COL5A3: variants seen among roughly 807,000 people sequenced by gnomAD.
The protein encoded by COL5A3 is collagen alpha-3(V) chain.
In COL5A3, 172 loss-of-function variants were observed where a neutral mutation model predicts 250.0. The ratio of observed to expected loss-of-function variants is 0.69; its 90% CI spans 0.61 to 0.78. COL5A3 has a LOEUF of 0.78. COL5A3 is among the 30% of genes least tolerant of loss of function. The probability of loss-of-function intolerance (pLI) is 0.00; values close to 1 mark genes in which losing one functional copy is unlikely to be tolerated. For synonymous variants in COL5A3, 937 were observed against 900.4 expected (o/e 1.04, Z -0.73); for missense variants, 2,340 against 2,334.4 (o/e 1.00, Z -0.05).
chr19:9,998,172 G>A, intron 8 of COL5A3, 23 bp from the exon 9 acceptor site: 1 of 1,600,428 alleles, frequency 6.2e-7, no homozygotes, highest in Non-Finnish European at 8.5e-7. Context: ...CAGGGGAGAT[G>A]GAGAGAAAAG....
chr19:10,001,725 C>T, intron 7 of COL5A3, 43 bp downstream of exon 7: 2 of 1,612,690 alleles, frequency 1.2e-6, no homozygotes, highest in African/African-American at 1.3e-5. Flanking sequence ...TTTCTGCCAC[C>T]CCCGTAACCC....
intron 24 of COL5A3, among the ~76,000 whole-genome samples, chr19:9,990,707 C>G (rs982174967): frequency 1.3e-5 from 2 of 151,820 alleles, no homozygotes; most frequent in Admixed American, 1.3e-4. Context: ...GGACTACAGG[C>G]GCGCGCCACC....
intron 44 of COL5A3, among the ~76,000 whole-genome samples, chr19:9,976,915 A>G (rs995383620): frequency 3.9e-5 from 6 of 152,058 alleles, no homozygotes; most frequent in Non-Finnish European, 8.8e-5. Flanking sequence ...CAGATGCTTC[A>G]GTGCCTGCCA....
intron 21 of COL5A3, 120 bp downstream of exon 21, chr19:9,992,707 C>T: frequency 1.1e-6 from 1 of 942,372 alleles, no homozygotes; most frequent in Non-Finnish European, 1.6e-6. Context: ...AACCCAGGAG[C>T]CGGAGGTTGC....
chr19:10,008,124 C>T (rs2087468190), intron 1 of COL5A3, among the ~76,000 whole-genome samples: 1 of 152,092 alleles, frequency 6.6e-6, no homozygotes, highest in South Asian at 2.1e-4. Flanking sequence ...GAGTCACTTC[C>T]CCACGGAACA....
chr19:9,960,404 G>T lies in COL5A3; in HGVS notation c.*7C>A. 6.2e-7 allele frequency: 1 copy of T among 1,614,122 alleles called. No homozygotes were observed. On this transcript the variant is annotated 3_prime_UTR_variant, in exon 67 of 67. Coordinates refer to ENST00000264828, the MANE Select transcript of COL5A3 (RefSeq NM_015719.4). ...CTCCCTCATGGTCCCTCCCACCCCG[G>T]ACACTCTCAGCTGCTGAAGCAGACG...
intron 31 of COL5A3, among the ~76,000 whole-genome samples, chr19:9,983,521 AAAAGAAAGAAGAAAGAAAGAAAG>A (rs1305623474): frequency 1.0e-4 from 12 of 115,970 alleles, no homozygotes; most frequent in Non-Finnish European, 1.9e-4. Flanking sequence ...CAAGCAAGCA[AAAAGAAAGAAGAAAGAAAGAAAG>A]AAAGAAAGAA....
intron 16 of COL5A3, 110 bp downstream of exon 16, chr19:9,995,454 A>G: frequency 3.3e-6 from 3 of 908,562 alleles, no homozygotes; most frequent in East Asian, 2.6e-5. Context: ...TGCCTTCAGC[A>G]CTCTTTTCCC....
chr19:9,968,049 G>C lies in COL5A3; in HGVS notation c.4345C>G (p.His1449Asp). The C allele has an allele frequency of 6.3e-7, 1 of 1,589,766 alleles. No homozygotes were observed. Among genetic ancestry groups the C allele is most frequent in the South Asian group, 1.2e-5 (1 of 86,520 alleles). ...ACCGCCACACCTGGGGGCCCAGGGT[G>C]GCCCAGAGAGCCAATGGGACCAGGG... ...GPPGPIGSLG[H>D]PGPPGVAGPL... The change falls in exon 60 of 67, where the codon CAC becomes GAC. Residue 1449 changes from histidine (H) to aspartate (D), a missense_variant. Around this residue, in one of 3 missense-constraint regions of COL5A3, gnomAD observed 1,179 missense variants for 1,162.6 expected, o/e 1.01. Transcript: ENST00000264828. The surrounding 1 kb of genome is among the most constrained non-coding windows in gnomAD (Gnocchi z 4.1).
At chr19:9,990,284 C>T (rs2087166626) in intron 24 of COL5A3, among the ~76,000 whole-genome samples, 1 of 150,234 alleles carries the variant, frequency 6.7e-6, no homozygotes, top group Admixed American at 6.6e-5. Context: ...ATCCCAGCTA[C>T]CTGGGAGGCT....
chr19:9,988,855 A>AAAAAAAAAAAAAAAAGAGAGAGAGAAAG (rs1269531312), intron 27 of COL5A3, among the ~76,000 whole-genome samples: 17 of 104,694 alleles, frequency 1.6e-4, no homozygotes, highest in African/African-American at 5.4e-4. Context: ...AAAAAAAAAA[A>AAAAAAAAAAAAAAAAGAGAGAGAGAAAG]AAAGAAAGTA....
intron 65 of COL5A3, among the ~76,000 whole-genome samples, chr19:9,961,803 C>T (rs2086677714): frequency 6.6e-6 from 1 of 152,156 alleles, no homozygotes; most frequent in East Asian, 1.9e-4. Flanking sequence ...CGTGATCCGC[C>T]CACCTTGGCC....
At chr19:9,986,927 C>T (rs968377200) in intron 27 of COL5A3, among the ~76,000 whole-genome samples, 169 bp from the exon 28 acceptor site, 1 of 152,162 alleles carries the variant, frequency 6.6e-6, no homozygotes, top group African/African-American at 2.4e-5. Context: ...CCTCCCTCCC[C>T]ACTGGAGGCC....
chr19:9,963,249 A>C (rs1312315134), intron 64 of COL5A3, among the ~76,000 whole-genome samples: 1 of 151,770 alleles, frequency 6.6e-6, no homozygotes, highest in African/African-American at 2.4e-5. Flanking sequence ...TTGAGACAGG[A>C]TCTCACTCTG....
intron 27 of COL5A3, among the ~76,000 whole-genome samples, chr19:9,987,561 A>G (rs2087117368): frequency 6.6e-6 from 1 of 150,438 alleles, no homozygotes; most frequent in African/African-American, 2.5e-5. Flanking sequence ...ACACAGGAAA[A>G]CCTCATCTAT....
chr19:9,996,458 G>A lies in COL5A3; in HGVS notation c.1397C>T (p.Ala466Val). Residue 466 changes from alanine to valine, a missense_variant, in exon 13 of 67, where the codon GCT (alanine) becomes GTT (valine). Physicochemically the swap from Ala to Val is moderately conservative, Grantham distance 64 (BLOSUM62 0). Coordinates refer to ENST00000264828, the MANE Select transcript of COL5A3 (RefSeq NM_015719.4). Reference protein sequence around the residue: ...GPPVSFQQAQAQAVLQQTQLS... With the variant: ...GPPVSFQQAQVQAVLQQTQLS... ...CTGAGTCTGCTGCAGAACTGCCTGAGCCTGGGCCTGCTGGAATGAGACTGG... is the reference window on the plus strand; with the variant it reads ...CTGAGTCTGCTGCAGAACTGCCTGAACCTGGGCCTGCTGGAATGAGACTGG... 1 of 1,614,062 alleles carries A rather than the reference G, an allele frequency of 6.2e-7. No homozygotes were observed. The highest frequency in any genetic ancestry group is 8.5e-7 in the Non-Finnish European group (1 of 1,180,008).
At chr19:9,992,977 C>G (rs2087215856) in intron 20 of COL5A3, 46 bp downstream of exon 20, 10 of 1,609,812 alleles carry the variant, frequency 6.2e-6, no homozygotes, top group African/African-American at 1.3e-5. Flanking sequence ...AGTCCTGACT[C>G]CCTCCCCTGC....
Position 9,989,380 on chromosome 19 carries a change from ATT to A in COL5A3, c.2047-16_2047-15del. 6.2e-7 allele frequency: 1 copy of A among 1,614,104 alleles called. No individual in the cohort carries two copies. The highest frequency in any genetic ancestry group is 8.5e-7 in the Non-Finnish European group (1 of 1,179,982). On this transcript the variant is annotated splice_polypyrimidine_tract_variant and intron_variant, in intron 25 of 66. Transcript: ENST00000264828. ...TCCTGGGTGACCCTGGGGAAGAAACATTCTCAGTTGTCAGAGACCAAAACTTG... is the reference window on the plus strand; with the variant it reads ...TCCTGGGTGACCCTGGGGAAGAAACACTCAGTTGTCAGAGACCAAAACTTG...
rs758281459 is a variant in COL5A3, at chr19:9,974,206, C to T, written c.3469G>A (p.Gly1157Arg). The change falls in exon 47 of 67, where the codon GGA becomes AGA. Residue 1157 changes from glycine (G) to arginine (R), a missense_variant. By Grantham distance (125) the Gly-to-Arg change is moderately radical. This residue lies in a region of COL5A3 where 1,179 missense variants were observed against 1,162.6 expected (regional missense o/e 1.01). Coordinates refer to ENST00000264828, the MANE Select transcript of COL5A3 (RefSeq NM_015719.4). The part of the protein sequence containing the change: ...PGLQGLPGPP[G>R]EKGEVGDVGS... ...ACGTCTCCGACCTCCCCTTTCTCTC[C>T]CGGAGGGCCTGGCAGCCCCTGTGGA... is the stretch of plus-strand genomic sequence containing the variant. 1.2e-6 allele frequency: 2 copies of T among 1,613,864 alleles called. No individual in the cohort carries two copies. Among genetic ancestry groups the T allele is most frequent in the African/African-American group, 1.3e-5 (1 of 74,884 alleles).
Sources: gnomAD v4.1 joint callset for allele counts (sites outside exome capture counted in the v4.1 genomes callset) on GRCh38, gnomAD v4.1.1 for gene constraint, gnomAD v4.1.1 regional missense constraint, Gnocchi (gnomAD v3.1) non-coding constraint, MANE v1.5 for transcripts, NCBI Gene and HGNC (gene_info 2026-07-23, HGNC 2026-07-21) for gene names.